Variants in BIRC6 observed in about 807,000 individuals in gnomAD.
BIRC6 encodes baculoviral IAP repeat containing 6.
A neutral mutation model predicts 503.3 loss-of-function variants in BIRC6; 98 were observed. The ratio of observed to expected loss-of-function variants is 0.19; its 90% CI spans 0.17 to 0.23. The LOEUF (loss-of-function observed/expected upper bound fraction) is 0.23, where lower values mean the gene tolerates loss of function less well. Among genes scored for constraint, BIRC6 ranks in the 10% least tolerant of loss-of-function variants. The probability of loss-of-function intolerance (pLI) is 1.00; values close to 1 mark genes in which losing one functional copy is unlikely to be tolerated. For missense variants in BIRC6, 5,360 were observed against 5,806.0 expected, an observed-to-expected ratio of 0.92 and a Z score of 2.50; for synonymous variants, 2,240 against 2,078.7, an observed-to-expected ratio of 1.08 and a Z score of -2.11.
chr2:32,551,908 G>C (rs888343970), intron 65 of BIRC6, among the ~76,000 whole-genome samples: 2 of 152,122 alleles, frequency 1.3e-5, no homozygotes, highest in South Asian at 2.1e-4. Flanking sequence ...AAGTGTGAGA[G>C]TAGTCCTCAT....
At position 32,465,179 on chromosome 2, in the gene BIRC6, T is replaced by C. The variant is rs1367405756; in HGVS notation, c.5356+15T>C. On this transcript the variant is annotated intron_variant, in intron 26 of 73. Transcript: ENST00000421745. ...AATGCATTCAGGTAATCTTTTACTT[T>C]CTTAAATTTTTTTTTTTTTTTTTTT... 2.1e-6 allele frequency: 3 copies of C among 1,402,580 alleles called. No individual in the cohort carries two copies. Among genetic ancestry groups the C allele is most frequent in the Non-Finnish European group, 2.9e-6 (3 of 1,037,824 alleles). The allele number at this position is 1,402,580 out of a possible 1,614,324, so 86.9% of individuals were successfully genotyped here.
intron 25 of BIRC6, 88 bp downstream of exon 25, chr2:32,464,911 C>G: frequency 6.8e-7 from 1 of 1,464,110 alleles, no homozygotes; most frequent in Non-Finnish European, 9.2e-7. Flanking sequence ...ATTTTTAATA[C>G]CAACTAGATG....
Position 32,515,744 on chromosome 2 carries a change from C to T in BIRC6, c.11323C>T (p.Pro3775Ser), listed in dbSNP as rs1252787354. 4 of 1,598,876 alleles carry T rather than the reference C, an allele frequency of 2.5e-6. No homozygotes were observed. The highest frequency in any genetic ancestry group is 3.4e-6 in the Non-Finnish European group (4 of 1,179,100). The stretch of plus-strand genomic sequence containing the variant: ...CTTTCTACAGTGCATTTCATGCCAT[C>T]CTAATAATCAAAAGCTGATGGCACA... ...AFFLQCISCHPNNQKLMAQVL... is the reference protein window; with the variant it reads ...AFFLQCISCHSNNQKLMAQVL... Residue 3775 changes from proline (P) to serine (S), a missense_variant, in exon 55 of 74, where the codon CCT becomes TCT. Around this residue, in one of 16 missense-constraint regions of BIRC6, gnomAD observed 878 missense variants for 928.9 expected, o/e 0.95. Coordinates refer to ENST00000421745, the MANE Select transcript of BIRC6 (RefSeq NM_016252.4).
chr2:32,395,407 A>C, intron 5 of BIRC6, 104 bp from the exon 6 acceptor site: 1 of 875,228 alleles, frequency 1.1e-6, no homozygotes, highest in South Asian at 1.8e-5. Context: ...TATTTTCAGT[A>C]TAGAATTTTA....
intron 49 of BIRC6, among the ~76,000 whole-genome samples, chr2:32,504,034 TTGTGTGTGTGTGTGTGTGTGTG>T (rs556051105): frequency 1.0e-4 from 8 of 78,228 alleles, no homozygotes; most frequent in Non-Finnish European, 1.4e-4. Context: ...GGGGGGGTGT[TTGTGTGTGTGTGTGTGTGTGTG>T]TGTGTGTGTG....
At chr2:32,509,045 G>A (rs915916795) in intron 51 of BIRC6, among the ~76,000 whole-genome samples, 5 of 10,946 alleles carry the variant, frequency 4.6e-4, no homozygotes, top group Admixed American at 1.3e-3. Context: ...CTCCAGCCTG[G>A]GTGAGAGTGA....
chr2:32,428,339 G>A (rs996209936), intron 10 of BIRC6, among the ~76,000 whole-genome samples: 2 of 152,164 alleles, frequency 1.3e-5, no homozygotes, highest in African/African-American at 4.8e-5. Context: ...TGTTTCCAGT[G>A]CTTTGCTTGC....
chr2:32,597,340 A>T (rs1222450316), intron 68 of BIRC6, among the ~76,000 whole-genome samples: 1 of 152,196 alleles, frequency 6.6e-6, no homozygotes, highest in Admixed American at 6.6e-5. Flanking sequence ...AAGAGAAATG[A>T]TTGATTAAAA....
rs147396240 is a variant in BIRC6 at position 32,389,080 on chromosome 2, AT to A, written c.839+138del. Reference sequence around the variant, plus strand: ...AGCCTAATTTTGAAATTAAAAAAAAATCAATATGAATTAGAATCTGAAAACC... The same window carrying A: ...AGCCTAATTTTGAAATTAAAAAAAAACAATATGAATTAGAATCTGAAAACC... On this transcript the variant is annotated intron_variant, in intron 4 of 73. Coordinates refer to ENST00000421745, the MANE Select transcript of BIRC6 (RefSeq NM_016252.4). 4.3e-3 allele frequency: 2,549 copies of A among 595,952 alleles called. 49 individuals are homozygous for A. The African/African-American group carries it at 0.045, about 10-fold the overall frequency. 36.9% of individuals were successfully genotyped at this position (595,952 alleles called of 1,614,324 possible).
chr2:32,466,835 G>A lies in BIRC6; in HGVS notation c.5357-690G>A, dbSNP rs148974659. Among the ~76,000 whole-genome samples, 255 of 152,070 alleles carry A rather than the reference G, an allele frequency of 1.7e-3. 1 individual carries two copies. Among genetic ancestry groups the A allele is most frequent in the African/African-American group, 6.0e-3 (247 of 41,510 alleles). ...TTGGTTTTTGTTTTTTAAAGAGACG[G>A]GTGGCTAGGTGCGGTGGCTCATGCC... is the stretch of plus-strand genomic sequence containing the variant. On this transcript the variant is annotated intron_variant, in intron 26 of 73. Coordinates refer to ENST00000421745, the MANE Select transcript of BIRC6 (RefSeq NM_016252.4).
Position 32,547,852 on chromosome 2 carries a change from A to G in BIRC6, c.12813A>G (p.Pro4271=), listed in dbSNP as rs1030385714. 14 of 1,554,760 alleles carry G rather than the reference A, an allele frequency of 9.0e-6. No individual in the cohort carries two copies. The highest frequency in any genetic ancestry group is 2.8e-5 in the African/African-American group (2 of 71,982). ...VPNSSVNQTE[P]QVSSSHNPTS... ...TTTTCATTTTTTGTTATTTTAAGCCACAGGTGTCAAGCTCTCATAACCCTA... is the reference window on the plus strand; with the variant it reads ...TTTTCATTTTTTGTTATTTTAAGCCGCAGGTGTCAAGCTCTCATAACCCTA... Residue 4271 remains proline, a splice_region_variant and synonymous_variant, in exon 64 of 74, where the codon CCA becomes CCG. Transcript: ENST00000421745.
intron 38 of BIRC6, 81 bp downstream of exon 38, chr2:32,481,534 AGGTG>A: frequency 1.5e-5 from 17 of 1,156,330 alleles, no homozygotes; most frequent in South Asian, 3.9e-5. Flanking sequence ...TGGGAGGCCA[AGGTG>A]GGCAGATCAC....
At chr2:32,514,213 TG>T (rs1239266641) in intron 54 of BIRC6, among the ~76,000 whole-genome samples, 1 of 152,026 alleles carries the variant, frequency 6.6e-6, no homozygotes, top group Non-Finnish European at 1.5e-5. Context: ...CCTAACTACT[TG>T]GGACGCTGAG....
intron 67 of BIRC6, among the ~76,000 whole-genome samples, chr2:32,594,513 G>A (rs1425489704): frequency 2.0e-5 from 3 of 152,144 alleles, no homozygotes; most frequent in Non-Finnish European, 2.9e-5. Flanking sequence ...TGGGCAACAT[G>A]GTGAAACCCC....
At chr2:32,524,340 TAACAG>T (rs1246244820) in intron 57 of BIRC6, among the ~76,000 whole-genome samples, 2 of 152,202 alleles carry the variant, frequency 1.3e-5, no homozygotes, top group Non-Finnish European at 2.9e-5. Flanking sequence ...AAATAAAAAT[TAACAG>T]AACAGGAAAT....
At chr2:32,431,689 A>G (rs1027451387) in intron 12 of BIRC6, among the ~76,000 whole-genome samples, 8 of 152,182 alleles carry the variant, frequency 5.3e-5, no homozygotes, top group Non-Finnish European at 8.8e-5. Flanking sequence ...TACTACTGCA[A>G]TTAGTTTGGT....
intron 23 of BIRC6, among the ~76,000 whole-genome samples, chr2:32,456,257 C>A (rs1215036356): frequency 2.0e-5 from 3 of 152,140 alleles, no homozygotes; most frequent in Non-Finnish European, 2.9e-5. Context: ...GTCTGTATAA[C>A]ATAGAATTGC....
intron 21 of BIRC6, among the ~76,000 whole-genome samples, chr2:32,448,480 C>T (rs1430950154): frequency 6.6e-6 from 1 of 152,068 alleles, no homozygotes; most frequent in Non-Finnish European, 1.5e-5. Context: ...AAAACCCCGT[C>T]TCCACCAAAA....
At chr2:32,499,470 GT>G in intron 45 of BIRC6, 76 bp from the exon 46 acceptor site, 1 of 1,308,584 alleles carries the variant, frequency 7.6e-7, no homozygotes, top group South Asian at 1.6e-5. Context: ...ACTTAAAATC[GT>G]TTAATTTTTA....
Sources: allele counts gnomAD v4.1 joint callset (sites outside exome capture counted in the v4.1 genomes callset), GRCh38; gene constraint gnomAD v4.1.1; regional missense constraint gnomAD v4.1.1; transcripts MANE v1.5; gene names NCBI Gene and HGNC (gene_info 2026-07-23, HGNC 2026-07-21).